SNTN: variants seen among roughly 807,000 people sequenced by gnomAD.
SNTN encodes the protein sentan, cilia apical structure protein.
SNTN carries 13 observed loss-of-function variants against 12.3 expected under a neutral mutation model. That is an observed-to-expected ratio of 1.05 (90% confidence interval 0.69 to 1.67). SNTN has a LOEUF of 1.67. SNTN is among the 40% of genes most tolerant of loss of function. The probability of loss-of-function intolerance (pLI) is 0.00; values close to 1 mark genes in which losing one functional copy is unlikely to be tolerated. For missense variants in SNTN, 189 were observed against 169.8 expected, an observed-to-expected ratio of 1.11 and a Z score of -0.63; for synonymous variants, 69 against 58.5, an observed-to-expected ratio of 1.18 and a Z score of -0.82.
intron 2 of SNTN, among the ~76,000 whole-genome samples, chr3:63,659,434 C>T (rs185890771): frequency 1.3e-5 from 2 of 152,278 alleles, no homozygotes; most frequent in East Asian, 1.9e-4. Flanking sequence ...AATGAAATTA[C>T]AGATCAGAAA....
intron 1 of SNTN, among the ~76,000 whole-genome samples, chr3:63,654,344 G>C (rs930352571): frequency 6.6e-6 from 1 of 152,206 alleles, no homozygotes; most frequent in African/African-American, 2.4e-5. Context: ...TTCCAGGTCT[G>C]TGACTGTTTT....
chr3:63,658,881 C>A (rs961897805), intron 2 of SNTN, among the ~76,000 whole-genome samples: 1 of 152,158 alleles, frequency 6.6e-6, no homozygotes, highest in African/African-American at 2.4e-5. Flanking sequence ...ATTCATTTAA[C>A]AGCATTTATT....
rs770257176 is a variant in SNTN, at chr3:63,652,758, C to G, written c.71C>G (p.Ala24Gly). Reference protein sequence around the residue: ...HLEGDPNPSAAPTSTCAPRKM... With the variant: ...HLEGDPNPSAGPTSTCAPRKM... ...GAAGGAGATCCCAATCCTTCTGCAG[C>G]CCCAACATCCACCTGCGCACCTAGG... Residue 24 changes from alanine (A) to glycine (G), a missense_variant, in exon 1 of 4, where the codon GCC becomes GGC. Coordinates refer to ENST00000343837, the MANE Select transcript of SNTN (RefSeq NM_001080537.2). The G allele has an allele frequency of 6.2e-7, 1 of 1,614,112 alleles. No individual in the cohort carries two copies. The highest frequency in any genetic ancestry group is 8.5e-7 in the Non-Finnish European group (1 of 1,179,972).
rs1700781156 is a variant in SNTN, at chr3:63,664,640, T to G, written c.*545T>G. 6.6e-6 allele frequency: 1 copy of G among 151,458 alleles called. No homozygotes were observed. The highest frequency in any genetic ancestry group is 1.5e-5 in the Non-Finnish European group (1 of 67,950). 9.4% of individuals were successfully genotyped at this position (151,458 alleles called of 1,614,324 possible). On this transcript the variant is annotated 3_prime_UTR_variant, in exon 4 of 4. Transcript: ENST00000343837. The stretch of plus-strand genomic sequence containing the variant: ...AAGGTCAGAAAAGCTTTACTGACAT[T>G]CTATAAAAAGCAAAAAAAAAAAAAT...
At chr3:63,654,821 A>G in intron 2 of SNTN, 25 bp downstream of exon 2, 1 of 1,609,692 alleles carries the variant, frequency 6.2e-7, no homozygotes, top group South Asian at 1.1e-5. Flanking sequence ...ACGCAGATGT[A>G]CATTTTTCTC....
At chr3:63,662,831 A>T (rs1432272099) in intron 3 of SNTN, among the ~76,000 whole-genome samples, 2 of 152,224 alleles carry the variant, frequency 1.3e-5, no homozygotes, top group Non-Finnish European at 2.9e-5. Context: ...ATATGGTTCA[A>T]TATAATGGTG....
At chr3:63,659,693 G>A (rs749641645) in intron 2 of SNTN, 32 bp from the exon 3 acceptor site, 2 of 1,612,636 alleles carry the variant, frequency 1.2e-6, no homozygotes, top group Non-Finnish European at 1.7e-6. Flanking sequence ...TTCTAACTCA[G>A]GATACTTTAT....
intron 3 of SNTN, among the ~76,000 whole-genome samples, chr3:63,660,171 G>A (rs1174394571): frequency 6.6e-6 from 1 of 152,158 alleles, no homozygotes; most frequent in Admixed American, 6.5e-5. Flanking sequence ...TGGGCTCCTG[G>A]AAAACTAAGG....
At chr3:63,654,740 G>C (rs751052851) in intron 1 of SNTN, 22 bp from the exon 2 acceptor site, 6 of 1,611,828 alleles carry the variant, frequency 3.7e-6, no homozygotes, top group Middle Eastern at 1.7e-4. Flanking sequence ...GAATCATTCT[G>C]TTTCTTTCAT....
chr3:63,654,631 T>C lies in SNTN; in HGVS notation c.111-131T>C, dbSNP rs570346181. 14 of 736,662 alleles carry C rather than the reference T, an allele frequency of 1.9e-5. No individual in the cohort carries two copies. The East Asian group carries it at 3.4e-4, about 18-fold the overall frequency. The allele number at this position is 736,662 out of a possible 1,614,324, so 45.6% of individuals were successfully genotyped here. A position where few individuals can be genotyped will look rare whatever the true frequency, so the allele number is the denominator to read the frequency against. ...AAAAGGATTTTGAAACACAGATGGC[T>C]GCTCCACTAAAATCTCAGAGAATGT... On this transcript the variant is annotated intron_variant, in intron 1 of 3. Transcript: ENST00000343837.
Position 63,664,255 on chromosome 3 carries a change from A to G in SNTN, c.*160A>G, listed in dbSNP as rs2106945809. 2 of 634,134 alleles carry G rather than the reference A, an allele frequency of 3.2e-6. No individual in the cohort carries two copies. Among genetic ancestry groups the G allele is most frequent in the East Asian group, 5.7e-5 (2 of 35,072 alleles). 39.3% of individuals were successfully genotyped at this position (634,134 alleles called of 1,614,324 possible). A position where few individuals can be genotyped will look rare whatever the true frequency, so the allele number is the denominator to read the frequency against. On this transcript the variant is annotated 3_prime_UTR_variant, in exon 4 of 4. Coordinates refer to ENST00000343837, the MANE Select transcript of SNTN (RefSeq NM_001080537.2). ...AGATCCAATGTAACTCCAAATATTT[A>G]CCCATACACTTCAAGAATGTTTGAA...
chr3:63,653,411 A>G (rs904979142), intron 1 of SNTN, among the ~76,000 whole-genome samples: 4 of 152,144 alleles, frequency 2.6e-5, no homozygotes, highest in African/African-American at 9.7e-5. Context: ...GGAAATAATA[A>G]TGGTGCAGAG....
chr3:63,655,696 C>T (rs896352409), intron 2 of SNTN, among the ~76,000 whole-genome samples: 23 of 151,942 alleles, frequency 1.5e-4, no homozygotes, highest in Non-Finnish European at 2.4e-4. Context: ...AATCGGACCA[C>T]TGAACCACAT....
chr3:63,657,812 G>C (rs762573840), intron 2 of SNTN, among the ~76,000 whole-genome samples: 2 of 152,114 alleles, frequency 1.3e-5, no homozygotes, highest in Non-Finnish European at 2.9e-5. Context: ...TGAAGTCAAA[G>C]ATTTCATATA....
intron 2 of SNTN, among the ~76,000 whole-genome samples, chr3:63,656,829 AAC>A (rs1700684429): frequency 6.6e-6 from 1 of 152,160 alleles, no homozygotes. Context: ...ACTGCCTGAA[AAC>A]ACAACACCTA....
intron 2 of SNTN, among the ~76,000 whole-genome samples, chr3:63,659,292 C>T (rs1046162501): frequency 1.3e-5 from 2 of 152,154 alleles, no homozygotes; most frequent in Non-Finnish European, 2.9e-5. Flanking sequence ...CATACTGACA[C>T]GAAGTGATGC....
In SNTN at chr3:63,654,797, G is replaced by C. The variant is rs748243416; in HGVS notation, c.145+1G>C. 5 of 1,612,702 alleles carry C rather than the reference G, an allele frequency of 3.1e-6. No individual in the cohort carries two copies. The South Asian group carries it at 3.3e-5, about 11-fold the overall frequency. On this transcript the variant is annotated splice_donor_variant, in intron 2 of 3. Coordinates refer to ENST00000343837, the MANE Select transcript of SNTN (RefSeq NM_001080537.2). LOFTEE classifies it high-confidence loss of function. ...TCCAAACAACTGGCTTCAGTGAAAG[G>C]TAAGGCACAGATGACGCAGATGTAC...
chr3:63,660,512 G>A (rs867378888), intron 3 of SNTN, among the ~76,000 whole-genome samples: 11 of 152,258 alleles, frequency 7.2e-5, no homozygotes, highest in Middle Eastern at 3.4e-3. Context: ...AGATGGTGAT[G>A]GCTTAGACTA....
intron 2 of SNTN, among the ~76,000 whole-genome samples, chr3:63,655,353 C>T (rs1700666458): frequency 6.6e-6 from 1 of 152,122 alleles, no homozygotes; most frequent in Non-Finnish European, 1.5e-5. Context: ...AAGTATAAGG[C>T]TTCACCTGTT....
Sources: gnomAD v4.1 joint callset for allele counts (sites outside exome capture counted in the v4.1 genomes callset) on GRCh38, gnomAD v4.1.1 for gene constraint, MANE v1.5 for transcripts, NCBI Gene and HGNC (gene_info 2026-07-23, HGNC 2026-07-21) for gene names.